The following MTHFD1 variants were observed in gnomAD, a reference collection of about 807,000 sequenced individuals.
MTHFD1 encodes the protein C-1-tetrahydrofolate synthase, cytoplasmic.
MTHFD1 carries 44 observed loss-of-function variants against 110.3 expected under a neutral mutation model. The ratio of observed to expected loss-of-function variants is 0.40; its 90% CI spans 0.31 to 0.51. The LOEUF is 0.51. Among genes scored for constraint, MTHFD1 ranks in the 20% least tolerant of loss-of-function variants. The pLI is 0.60. For synonymous variants in MTHFD1, 402 were observed against 428.8 expected, an observed-to-expected ratio of 0.94 and a Z score of 0.77; for missense variants, 909 against 1,173.1, an observed-to-expected ratio of 0.77 and a Z score of 3.29.
chr14:64,402,415 A>C (rs2077904775), intron 2 of MTHFD1, among the ~76,000 whole-genome samples: 1 of 152,244 alleles, frequency 6.6e-6, no homozygotes, highest in African/African-American at 2.4e-5. Flanking sequence ...ATTTTCACCC[A>C]AAAACTCACA....
rs753983323 is a variant in MTHFD1, at chr14:64,430,264, C to A, written c.1311+34C>A. The A allele has an allele frequency of 1.9e-6, 3 of 1,604,468 alleles. No homozygotes were observed. The African/African-American group carries it at 4.1e-5, about 22-fold the overall frequency. On this transcript the variant is annotated intron_variant, in intron 13 of 27. Transcript: ENST00000652337. The stretch of plus-strand genomic sequence containing the variant: ...TTCTGGGATTTGGCTGAATTAGATC[C>A]CCCTTTTTTTGTCGGGGGGGAGGGT...
chr14:64,444,699 G>C lies in MTHFD1; in HGVS notation c.2143G>C (p.Ala715Pro), dbSNP rs778483206. The C allele has an allele frequency of 1.1e-5, 17 of 1,614,058 alleles. No individual in the cohort carries two copies. Among genetic ancestry groups the C allele is most frequent in the Non-Finnish European group, 1.4e-5 (16 of 1,179,970 alleles). The change falls in exon 22 of 28, where the codon GCT becomes CCT. Residue 715 changes from alanine to proline, a missense_variant. Ala to Pro is a conservative substitution (Grantham distance 27). Coordinates refer to ENST00000652337, the MANE Select transcript of MTHFD1 (RefSeq NM_005956.4). ...KMHGGGPTVT[A>P]GLPLPKAYIQ... is the part of the protein sequence containing the mutation. The stretch of plus-strand genomic sequence containing the variant: ...CTGTTTCTTTTCCTTCCAGGTCACT[G>C]CTGGACTGCCTCTTCCCAAGGCTTA...
intron 22 of MTHFD1, chr14:64,445,071 G>A (rs1162491319): frequency 2.1e-5 from 8 of 375,840 alleles, no homozygotes; most frequent in Admixed American, 7.5e-5. Context: ...CTGGAATCTA[G>A]TGGGTAGAAA....
At chr14:64,414,315 CAG>C (rs149542758) in intron 4 of MTHFD1, among the ~76,000 whole-genome samples, 9,485 of 108,320 alleles carry the variant, frequency 0.088, 411 homozygotes, top group African/African-American at 0.11. Flanking sequence ...TTTTTTGAGA[CAG>C]AGTCTTGCTC....
At chr14:64,401,700 C>CA (rs34004524) in intron 2 of MTHFD1, among the ~76,000 whole-genome samples, 115,300 of 138,732 alleles carry the variant, frequency 0.83, 47,851 homozygotes, top group South Asian at 0.92. Flanking sequence ...GATTCCGTCT[C>CA]AAAAAAAAAA....
intron 21 of MTHFD1, among the ~76,000 whole-genome samples, chr14:64,443,730 C>T (rs117766212): frequency 0.038 from 5,760 of 152,194 alleles, 173 homozygotes; most frequent in Non-Finnish European, 0.058. Flanking sequence ...ACTAACATTC[C>T]TCTCTCTTAC....
intron 19 of MTHFD1, 182 bp from the exon 20 acceptor site, chr14:64,441,868 CTCTT>C: frequency 3.0e-6 from 2 of 663,378 alleles, no homozygotes; most frequent in South Asian, 1.7e-5. Flanking sequence ...ACTTGCTCAT[CTCTT>C]TCTTCTCATT....
intron 8 of MTHFD1, 85 bp from the exon 9 acceptor site, chr14:64,424,719 T>C: frequency 1.3e-6 from 2 of 1,498,714 alleles, no homozygotes; most frequent in Non-Finnish European, 1.8e-6. Flanking sequence ...TAACACACCC[T>C]ACAATTCTGC....
At chr14:64,393,821 C>G (rs2077826301) in intron 1 of MTHFD1, among the ~76,000 whole-genome samples, 1 of 152,042 alleles carries the variant, frequency 6.6e-6, no homozygotes, top group African/African-American at 2.4e-5. Context: ...AGAGGAGGGT[C>G]CTTGGAGTGG....
intron 15 of MTHFD1, among the ~76,000 whole-genome samples, chr14:64,432,698 A>G (rs1020270012): frequency 1.3e-5 from 2 of 152,226 alleles, no homozygotes; most frequent in Non-Finnish European, 2.9e-5. Context: ...TGTTAAGGGT[A>G]TGGATGAAGG....
intron 26 of MTHFD1, among the ~76,000 whole-genome samples, chr14:64,455,949 G>T (rs1212628509): frequency 1.3e-5 from 2 of 152,200 alleles, no homozygotes; most frequent in African/African-American, 4.8e-5. Context: ...ATGTACATCA[G>T]TCTCCAGGAT....
intron 21 of MTHFD1, among the ~76,000 whole-genome samples, chr14:64,443,576 C>T (rs149004473): frequency 4.3e-4 from 65 of 152,230 alleles, no homozygotes; most frequent in African/African-American, 1.3e-3. Context: ...ATTGGGTCCC[C>T]GGAGCACACT....
chr14:64,396,484 C>T (rs553699538), intron 1 of MTHFD1, among the ~76,000 whole-genome samples: 2 of 150,290 alleles, frequency 1.3e-5, no homozygotes, highest in South Asian at 2.1e-4. Flanking sequence ...CTCTGCCTCC[C>T]GGGTTCAAGC....
chr14:64,411,718 G>A (rs1023279878), intron 3 of MTHFD1, among the ~76,000 whole-genome samples: 36 of 152,152 alleles, frequency 2.4e-4, no homozygotes, highest in Middle Eastern at 3.2e-3. Context: ...TAAGAAACAT[G>A]GAGAAACCCC....
intron 4 of MTHFD1, 99 bp from the exon 5 acceptor site, chr14:64,415,259 G>A (rs1174839135): frequency 1.0e-6 from 1 of 965,176 alleles, no homozygotes; most frequent in Non-Finnish European, 1.7e-6. Context: ...TTAAAGTGTT[G>A]GGGGGAAATA....
chr14:64,448,091 T>C lies in MTHFD1; in HGVS notation c.2179-126T>C, dbSNP rs1045626000. On this transcript the variant is annotated intron_variant, in intron 22 of 27. Coordinates refer to ENST00000652337, the MANE Select transcript of MTHFD1 (RefSeq NM_005956.4). ...ATGCACCAAGGGACCTTCTCTCTTC[T>C]TTCTTGGCCTCCTTGTCCTGATAGT... 5 of 735,938 alleles carry C rather than the reference T, an allele frequency of 6.8e-6. No individual in the cohort carries two copies. The African/African-American group carries it at 8.7e-5, about 13-fold the overall frequency. The allele number at this position is 735,938 out of a possible 1,614,324, so 45.6% of individuals were successfully genotyped here. A position where few individuals can be genotyped will look rare whatever the true frequency, so the allele number is the denominator to read the frequency against.
intron 27 of MTHFD1, 79 bp from the exon 28 acceptor site, chr14:64,459,680 A>T (rs1291113441): frequency 4.9e-6 from 6 of 1,219,080 alleles, no homozygotes; most frequent in Admixed American, 2.5e-5. Context: ...GTGAGTGGGT[A>T]ATGGTGCAGT....
intron 1 of MTHFD1, among the ~76,000 whole-genome samples, chr14:64,396,757 G>A (rs1289980210): frequency 6.6e-6 from 1 of 151,250 alleles, no homozygotes; most frequent in Admixed American, 6.6e-5. Flanking sequence ...ATCAACAAAT[G>A]AACAAAATGG....
chr14:64,396,515 C>A (rs1368085391), intron 1 of MTHFD1, among the ~76,000 whole-genome samples: 1 of 151,342 alleles, frequency 6.6e-6, no homozygotes, highest in Non-Finnish European at 1.5e-5. Flanking sequence ...CCTCAGCCTC[C>A]CGAGTAGCTG....
Sources: gnomAD v4.1 joint callset for allele counts (sites outside exome capture counted in the v4.1 genomes callset) on GRCh38, gnomAD v4.1.1 for gene constraint, MANE v1.5 for transcripts, NCBI Gene and HGNC (gene_info 2026-07-23, HGNC 2026-07-21) for gene names.